Variants in SAMD5 observed in about 807,000 individuals in gnomAD.
SAMD5 encodes sterile alpha motif domain-containing protein 5.
Under a neutral mutation model 11.3 loss-of-function variants are expected in SAMD5, and 13 were observed. That is an observed-to-expected ratio of 1.15 (90% CI 0.75 to 1.83). The LOEUF (loss-of-function observed/expected upper bound fraction) is 1.83, where lower values mean the gene tolerates loss of function less well. SAMD5 is among the 40% of genes most tolerant of loss of function. SAMD5 has a pLI of 0.00. For synonymous variants in SAMD5, 129 were observed against 111.3 expected, an observed-to-expected ratio of 1.16 and a Z score of -1.00; for missense variants, 255 against 239.1, an observed-to-expected ratio of 1.07 and a Z score of -0.44.
chr6:147,894,079 T>C, the SAMD5 span, among the ~76,000 whole-genome samples: 1 of 151,422 alleles, frequency 6.6e-6, no homozygotes, highest in Non-Finnish European at 1.5e-5. Flanking sequence ...CTCTTTTCCA[T>C]GTGTCTAATG....
chr6:147,570,272 T>C (rs955322150), downstream of SAMD5, among the ~76,000 whole-genome samples: 2 of 152,098 alleles, frequency 1.3e-5, no homozygotes, highest in Non-Finnish European at 2.9e-5. Flanking sequence ...CGCCTTCTCT[T>C]GTGTGATTCT....
At chr6:147,789,278 A>AAAAC in the SAMD5 span, among the ~76,000 whole-genome samples, 4 of 141,196 alleles carry the variant, frequency 2.8e-5, no homozygotes, top group Admixed American at 7.2e-5. Context: ...TCTCTAGAAA[A>AAAAC]ACACACACAC....
At chr6:147,615,666 A>G (rs937959052) in intron 1 of SAMD5, among the ~76,000 whole-genome samples, 2 of 152,218 alleles carry the variant, frequency 1.3e-5, no homozygotes, top group African/African-American at 4.8e-5. Context: ...TTGCCATGCA[A>G]GTATTAGCAC....
chr6:147,932,775 A>C, the SAMD5 span, among the ~76,000 whole-genome samples: 1 of 152,050 alleles, frequency 6.6e-6, no homozygotes, highest in Non-Finnish European at 1.5e-5. Context: ...TTCATGGTAA[A>C]CACTCAGGCA....
intron 1 of SAMD5, among the ~76,000 whole-genome samples, chr6:147,624,538 T>C (rs959647546): frequency 2.6e-5 from 4 of 152,256 alleles, no homozygotes; most frequent in African/African-American, 9.6e-5. Flanking sequence ...TCCTATCCCA[T>C]CCAGGTTGCT....
intron 1 of SAMD5, among the ~76,000 whole-genome samples, chr6:147,652,044 T>C (rs1790492978): frequency 6.6e-6 from 1 of 152,132 alleles, no homozygotes; most frequent in Admixed American, 6.6e-5. Context: ...ACAATACTGA[T>C]AAATAAAAGA....
intron 1 of SAMD5, among the ~76,000 whole-genome samples, chr6:147,637,229 T>C (rs1790243259): frequency 1.3e-5 from 2 of 152,192 alleles, no homozygotes; most frequent in Admixed American, 1.3e-4. Flanking sequence ...AGGCCACAAC[T>C]GAGGGAGTCC....
At chr6:147,702,254 A>G (rs968377194) in intron 1 of SAMD5, among the ~76,000 whole-genome samples, 7 of 152,180 alleles carry the variant, frequency 4.6e-5, no homozygotes, top group Admixed American at 1.3e-4. Flanking sequence ...GTTACCTCCC[A>G]CAGGGTACCT....
chr6:147,659,014 C>T (rs554833454), intron 1 of SAMD5, among the ~76,000 whole-genome samples: 17 of 152,156 alleles, frequency 1.1e-4, no homozygotes, highest in Non-Finnish European at 2.5e-4. Context: ...GAATTTAATA[C>T]AGAATAAAAG....
At chr6:147,765,116 A>G in the SAMD5 span, among the ~76,000 whole-genome samples, 1 of 152,228 alleles carries the variant, frequency 6.6e-6, no homozygotes, top group African/African-American at 2.4e-5. Flanking sequence ...CTGTAAAGAA[A>G]GGTGTATTTA....
At chr6:147,722,440 A>G (rs1791569106) in intron 1 of SAMD5, among the ~76,000 whole-genome samples, 1 of 152,118 alleles carries the variant, frequency 6.6e-6, no homozygotes, top group Middle Eastern at 3.2e-3. Context: ...ATCCATCCAC[A>G]CTTTGCACAA....
At position 147,565,163 on chromosome 6, in the gene SAMD5, A is replaced by G. The variant is rs563496362; in HGVS notation, c.*707A>G. 3.2e-4 allele frequency: 315 copies of G among 985,440 alleles called. 3 individuals carry two copies. The African/African-American group carries it at 5.2e-3, about 16-fold the overall frequency. 61.0% of individuals were successfully genotyped at this position (985,440 alleles called of 1,614,324 possible). On this transcript the variant is annotated 3_prime_UTR_variant, in exon 2 of 2. Coordinates refer to ENST00000367474, the MANE Select transcript of SAMD5 (RefSeq NM_001030060.3). Reference sequence around the variant, plus strand: ...GGACTAATACAAGTGTCTTGCTCTGACATGCATCAAGCAAGAGCTAGCTAT... The same window carrying G: ...GGACTAATACAAGTGTCTTGCTCTGGCATGCATCAAGCAAGAGCTAGCTAT...
the SAMD5 span, among the ~76,000 whole-genome samples, chr6:147,830,251 CTTTTT>C: frequency 0.038 from 3,205 of 84,838 alleles, 49 homozygotes; most frequent in African/African-American, 0.14. Context: ...TTCTTTCTTT[CTTTTT>C]TTTTTTTTTT....
At chr6:147,728,930 G>T (rs2128459847) in intron 1 of SAMD5, among the ~76,000 whole-genome samples, 1 of 152,326 alleles carries the variant, frequency 6.6e-6, no homozygotes, top group East Asian at 1.9e-4. Flanking sequence ...TTAAAAAAAT[G>T]ATTGTGCAAG....
chr6:147,543,035 C>A (rs552512976), intron 1 of SAMD5, among the ~76,000 whole-genome samples: 2 of 151,760 alleles, frequency 1.3e-5, no homozygotes, highest in South Asian at 4.1e-4. Flanking sequence ...GGATTGGTCA[C>A]CAGCTCCCCT....
chr6:147,509,436 ACAGCCCAGCTGCCTGTGCCAAGG>A, intron 1 of SAMD5, 49 bp downstream of exon 1: 2 of 1,473,414 alleles, frequency 1.4e-6, no homozygotes, highest in Non-Finnish European at 1.8e-6. Context: ...GGGAGGGGAC[ACAGCCCAGCTGCCTGTGCCAAGG>A]CTTTGCAACC....
At chr6:147,515,566 A>G (rs1328858541) in intron 1 of SAMD5, among the ~76,000 whole-genome samples, 2 of 151,786 alleles carry the variant, frequency 1.3e-5, no homozygotes, top group African/African-American at 4.8e-5. Flanking sequence ...CCATCTCTCC[A>G]TTCATCTATC....
At chr6:147,679,989 A>G (rs1438861292) in intron 1 of SAMD5, among the ~76,000 whole-genome samples, 1 of 152,038 alleles carries the variant, frequency 6.6e-6, no homozygotes, top group African/African-American at 2.4e-5. Flanking sequence ...GTACCTTACT[A>G]TTTTGATTAC....
chr6:147,518,211 G>A (rs914349348), intron 1 of SAMD5, among the ~76,000 whole-genome samples: 1 of 151,992 alleles, frequency 6.6e-6, no homozygotes, highest in South Asian at 2.1e-4. Context: ...GTGTTTTTAG[G>A]GCTCTTCATT....
Sources: allele counts gnomAD v4.1 joint callset (sites outside exome capture counted in the v4.1 genomes callset), GRCh38; gene constraint gnomAD v4.1.1; transcripts MANE v1.5; gene names NCBI Gene and HGNC (gene_info 2026-07-23, HGNC 2026-07-21).